PLXDC1: variants seen among roughly 807,000 people sequenced by gnomAD.
PLXDC1 encodes plexin domain containing 1, also known as plexin domain-containing protein 1.
A neutral mutation model predicts 61.3 loss-of-function variants in PLXDC1; 39 were observed. The ratio of observed to expected loss-of-function variants is 0.64; its 90% CI spans 0.49 to 0.83. PLXDC1 has a LOEUF of 0.83. PLXDC1 is among the 40% of genes least tolerant of loss of function. PLXDC1 has a pLI of 0.00. For missense variants in PLXDC1, 596 were observed against 666.5 expected, an observed-to-expected ratio of 0.89 and a Z score of 1.17; for synonymous variants, 212 against 254.5, an observed-to-expected ratio of 0.83 and a Z score of 1.59.
intron 9 of PLXDC1, among the ~76,000 whole-genome samples, chr17:39,083,113 T>C (rs1346153177): frequency 6.6e-6 from 1 of 152,310 alleles, no homozygotes; most frequent in African/African-American, 2.4e-5. Flanking sequence ...CTGGGTTCTC[T>C]CCCAGAGATC....
intron 13 of PLXDC1, 28 bp from the exon 14 acceptor site, chr17:39,067,987 T>C: frequency 6.2e-7 from 1 of 1,610,502 alleles, no homozygotes; most frequent in Non-Finnish European, 8.5e-7. Context: ...GCAAAGTCAG[T>C]GGGCATGCCC....
At position 39,077,908 on chromosome 17, in the gene PLXDC1, C is replaced by A. The variant is rs776517959; in HGVS notation, c.1186+5G>T. On this transcript the variant is annotated splice_donor_5th_base_variant and intron_variant, in intron 11 of 13. Transcript: ENST00000315392. ...CTCTGCTCCCCTCCTGGGCTCAGAA[C>A]TTACCTTCTGTGGTGAGGCTGTCGA... 1.2e-6 allele frequency: 2 copies of A among 1,614,140 alleles called. No homozygotes were observed. Among genetic ancestry groups the A allele is most frequent in the Admixed American group, 3.3e-5 (2 of 60,024 alleles).
intron 2 of PLXDC1, among the ~76,000 whole-genome samples, chr17:39,111,522 T>C (rs1479639109): frequency 6.6e-6 from 1 of 152,134 alleles, no homozygotes; most frequent in Non-Finnish European, 1.5e-5. Context: ...TGACCTCAAG[T>C]GATCCACCCA....
chr17:39,081,853 G>A (rs772988683), intron 9 of PLXDC1, among the ~76,000 whole-genome samples: 9 of 151,836 alleles, frequency 5.9e-5, no homozygotes, highest in Non-Finnish European at 1.3e-4. Context: ...TGAGGCAGGA[G>A]GATTGCTTGA....
intron 2 of PLXDC1, among the ~76,000 whole-genome samples, chr17:39,126,376 A>G (rs1199279979): frequency 6.6e-6 from 1 of 152,224 alleles, no homozygotes; most frequent in African/African-American, 2.4e-5. Flanking sequence ...AGCAACGTAT[A>G]ATGAAACCAA....
At chr17:39,115,449 A>G (rs1910937325) in intron 2 of PLXDC1, among the ~76,000 whole-genome samples, 1 of 152,218 alleles carries the variant, frequency 6.6e-6, no homozygotes, top group Admixed American at 6.5e-5. Context: ...GCCATGCAGA[A>G]TCTGCTGCAG....
intron 2 of PLXDC1, among the ~76,000 whole-genome samples, chr17:39,127,873 G>A (rs1286601129): frequency 6.9e-6 from 1 of 145,788 alleles, no homozygotes; most frequent in African/African-American, 2.6e-5. Flanking sequence ...CAGGAGAATG[G>A]CGTGAACCGA....
chr17:39,108,357 T>A, intron 4 of PLXDC1, 112 bp from the exon 5 acceptor site: 1 of 1,150,516 alleles, frequency 8.7e-7, no homozygotes, highest in Non-Finnish European at 1.3e-6. Flanking sequence ...GAAGTGAGCC[T>A]GAGACCTCTG....
chr17:39,100,301 T>C (rs1910377195), intron 7 of PLXDC1, among the ~76,000 whole-genome samples: 1 of 152,116 alleles, frequency 6.6e-6, no homozygotes, highest in African/African-American at 2.4e-5. Flanking sequence ...GTGAGTGGTG[T>C]GAGGAGTGAG....
intron 2 of PLXDC1, among the ~76,000 whole-genome samples, chr17:39,115,877 G>A (rs1910949651): frequency 1.3e-5 from 2 of 152,316 alleles, no homozygotes; most frequent in South Asian, 4.1e-4. Flanking sequence ...CACTTTGGGA[G>A]GCTGAGACAG....
intron 7 of PLXDC1, among the ~76,000 whole-genome samples, chr17:39,098,533 A>G (rs573347518): frequency 2.0e-5 from 3 of 152,334 alleles, no homozygotes; most frequent in Admixed American, 6.5e-5. Context: ...GAGAGCCCCC[A>G]AGGAATTCAC....
chr17:39,083,969 G>C (rs1008749032), intron 8 of PLXDC1, among the ~76,000 whole-genome samples: 1 of 152,146 alleles, frequency 6.6e-6, no homozygotes, highest in Non-Finnish European at 1.5e-5. Context: ...ACTGGGTGCT[G>C]GGGATTCAGC....
chr17:39,069,912 C>T lies in PLXDC1; in HGVS notation c.1327G>A (p.Ala443Thr). 1 of 1,613,742 alleles carries T rather than the reference C, an allele frequency of 6.2e-7. No homozygotes were observed. Among genetic ancestry groups the T allele is most frequent in the Non-Finnish European group, 8.5e-7 (1 of 1,179,710 alleles). ...AVLLVAAIIL[A>T]GIYINGHPTS... ...GGGTGGCCATTGATGTAAATTCCAGCCAGGATGATGGCCGCCACGAGGAGG... is the reference window on the plus strand; with the variant it reads ...GGGTGGCCATTGATGTAAATTCCAGTCAGGATGATGGCCGCCACGAGGAGG... The change falls in exon 13 of 14, where the codon GCT becomes ACT. Residue 443 changes from alanine to threonine, a missense_variant. Transcript: ENST00000315392.
intron 2 of PLXDC1, among the ~76,000 whole-genome samples, chr17:39,109,685 G>A (rs1360017510): frequency 6.6e-6 from 1 of 152,154 alleles, no homozygotes; most frequent in African/African-American, 2.4e-5. Flanking sequence ...CAGGAGGCCG[G>A]CAGCCCCTGC....
chr17:39,141,533 A>G (rs529604255), intron 1 of PLXDC1, among the ~76,000 whole-genome samples: 1 of 152,308 alleles, frequency 6.6e-6, no homozygotes, highest in South Asian at 2.1e-4. Context: ...AACCCACTCA[A>G]CTATCAATGG....
intron 7 of PLXDC1, among the ~76,000 whole-genome samples, chr17:39,090,596 C>G (rs1478897174): frequency 1.3e-5 from 2 of 152,164 alleles, no homozygotes; most frequent in Non-Finnish European, 1.5e-5. Context: ...ACTCAGTGAG[C>G]CGCATCCACA....
chr17:39,139,555 T>G, intron 2 of PLXDC1, 99 bp downstream of exon 2: 7 of 1,176,522 alleles, frequency 5.9e-6, no homozygotes, highest in Non-Finnish European at 8.4e-6. Context: ...CAACCCCAAA[T>G]GATATGTGAT....
At chr17:39,083,429 G>C in intron 9 of PLXDC1, 30 bp downstream of exon 9, 1 of 1,587,690 alleles carries the variant, frequency 6.3e-7, no homozygotes, top group Non-Finnish European at 8.6e-7. Flanking sequence ...GTCGGCCAGT[G>C]GGAGTCAGCA....
chr17:39,129,382 G>T lies in PLXDC1; in HGVS notation c.255+10272C>A, dbSNP rs143391418. Among the ~76,000 whole-genome samples, 630 of 150,684 alleles carry T rather than the reference G, an allele frequency of 4.2e-3. 6 individuals carry two copies. Among genetic ancestry groups the T allele is most frequent in the African/African-American group, 0.014 (587 of 40,906 alleles). On this transcript the variant is annotated intron_variant, in intron 2 of 13. Transcript: ENST00000315392. Reference sequence around the variant, plus strand: ...ACCTGTAATCCCAGCACTTTGGGAGGCTGAGGTGGGTGGATCACGAGGTCA... The same window carrying T: ...ACCTGTAATCCCAGCACTTTGGGAGTCTGAGGTGGGTGGATCACGAGGTCA...
Sources: allele counts gnomAD v4.1 joint callset (sites outside exome capture counted in the v4.1 genomes callset), GRCh38; gene constraint gnomAD v4.1.1; transcripts MANE v1.5; gene names NCBI Gene and HGNC (gene_info 2026-07-23, HGNC 2026-07-21).